Variants in OSBPL6 observed in about 807,000 individuals in gnomAD.
The protein encoded by OSBPL6 is oxysterol-binding protein-related protein 6.
OSBPL6 carries 49 observed loss-of-function variants against 125.8 expected under a neutral mutation model. The ratio of observed to expected loss-of-function variants is 0.39; its 90% CI spans 0.31 to 0.49. The LOEUF is 0.49. OSBPL6 is among the 20% of genes least tolerant of loss of function. The pLI, the probability that OSBPL6 is intolerant of heterozygous loss-of-function variation, is 0.88. For synonymous variants in OSBPL6, 394 were observed against 391.8 expected (o/e 1.01, Z -0.07); for missense variants, 986 against 1,135.4 (o/e 0.87, Z 1.89).
intron 2 of OSBPL6, among the ~76,000 whole-genome samples, chr2:178,300,908 T>C (rs6716156): frequency 0.34 from 51,096 of 151,986 alleles, 10,031 homozygotes; most frequent in East Asian, 0.5. Flanking sequence ...TGAAAGTCAG[T>C]ATGCTGCAAA....
At chr2:178,323,610 C>T (rs985860313) in intron 3 of OSBPL6, 2 of 152,184 alleles carry the variant, frequency 1.3e-5, no homozygotes, top group African/African-American at 4.8e-5. Flanking sequence ...TTGCAGGCTT[C>T]CATCACCATG....
At chr2:178,224,682 C>T (rs1300662446) in intron 1 of OSBPL6, among the ~76,000 whole-genome samples, 1 of 152,192 alleles carries the variant, frequency 6.6e-6, no homozygotes, top group Non-Finnish European at 1.5e-5. Flanking sequence ...ACCCTGTAAT[C>T]CCAGCACTTT....
intron 13 of OSBPL6, among the ~76,000 whole-genome samples, chr2:178,365,190 TAAA>T (rs1692715307): frequency 1.3e-5 from 2 of 152,064 alleles, no homozygotes; most frequent in South Asian, 4.2e-4. Context: ...AATAAATAAA[TAAA>T]AAACTTATTT....
At chr2:178,316,134 G>C (rs942429689) in intron 3 of OSBPL6, among the ~76,000 whole-genome samples, 1 of 152,122 alleles carries the variant, frequency 6.6e-6, no homozygotes, top group Non-Finnish European at 1.5e-5. Flanking sequence ...ATTAAGAGCT[G>C]ATTTCTCAAA....
At chr2:178,394,658 A>G (rs1368922904) in intron 24 of OSBPL6, among the ~76,000 whole-genome samples, 1 of 152,198 alleles carries the variant, frequency 6.6e-6, no homozygotes. Flanking sequence ...GAAAAGAGTG[A>G]GCATCCTGCC....
intron 1 of OSBPL6, among the ~76,000 whole-genome samples, chr2:178,212,647 A>G (rs1362282166): frequency 6.6e-6 from 1 of 152,218 alleles, no homozygotes; most frequent in Non-Finnish European, 1.5e-5. Flanking sequence ...TTAGCTGGAA[A>G]TTACTTGTGT....
intron 13 of OSBPL6, among the ~76,000 whole-genome samples, chr2:178,366,332 C>T (rs1692825397): frequency 6.6e-6 from 1 of 152,154 alleles, no homozygotes; most frequent in South Asian, 2.1e-4. Context: ...TACATTTTAT[C>T]ACTGTTATTA....
intron 2 of OSBPL6, among the ~76,000 whole-genome samples, chr2:178,292,659 C>A (rs2154047193): frequency 6.6e-6 from 1 of 152,258 alleles, no homozygotes; most frequent in South Asian, 2.1e-4. Flanking sequence ...ATTCATCCAG[C>A]AAAGTCTATT....
intron 13 of OSBPL6, among the ~76,000 whole-genome samples, chr2:178,369,303 C>G (rs1693155305): frequency 6.6e-6 from 1 of 152,128 alleles, no homozygotes; most frequent in Non-Finnish European, 1.5e-5. Flanking sequence ...ATGCTCTTAT[C>G]AGAGAGCCAA....
chr2:178,317,382 A>C (rs4894009), intron 3 of OSBPL6, among the ~76,000 whole-genome samples: 24,193 of 144,828 alleles, frequency 0.17, 2,237 homozygotes, highest in Admixed American at 0.23. Flanking sequence ...TTTCCTGCTT[A>C]CATTTGATCT....
intron 1 of OSBPL6, among the ~76,000 whole-genome samples, chr2:178,217,624 T>C (rs1186469889): frequency 6.6e-6 from 1 of 151,946 alleles, no homozygotes; most frequent in Non-Finnish European, 1.5e-5. Flanking sequence ...TTTGAGGAGG[T>C]GGTGTCTGGT....
intron 3 of OSBPL6, among the ~76,000 whole-genome samples, chr2:178,323,262 A>G (rs1167585416): frequency 6.6e-6 from 1 of 152,226 alleles, no homozygotes; most frequent in Non-Finnish European, 1.5e-5. Flanking sequence ...CTTCTAAGTT[A>G]GAACATCTTT....
rs937975928 is a variant in OSBPL6 at position 178,386,170 on chromosome 2, C to T, written c.2077+649C>T. 5.3e-5 allele frequency among the ~76,000 whole-genome samples: 8 copies of T among 152,270 alleles called. No individual in the cohort carries two copies. The East Asian group carries it at 1.3e-3, about 26-fold the overall frequency. On this transcript the variant is annotated intron_variant, in intron 19 of 24. Coordinates refer to ENST00000190611, the MANE Select transcript of OSBPL6 (RefSeq NM_032523.4). ...TGACTTCTCATGAGCATTTTCTTAA[C>T]CTGAAAATACATAAAAATGATAGAA...
chr2:178,221,938 G>A (rs1039814778), intron 1 of OSBPL6, among the ~76,000 whole-genome samples: 2 of 152,166 alleles, frequency 1.3e-5, no homozygotes, highest in Non-Finnish European at 2.9e-5. Flanking sequence ...ACCAAGGAGT[G>A]CTGTGTTTGA....
At chr2:178,363,168 A>G (rs763625502) in intron 13 of OSBPL6, among the ~76,000 whole-genome samples, 1 of 152,212 alleles carries the variant, frequency 6.6e-6, no homozygotes, top group Non-Finnish European at 1.5e-5. Context: ...GTCAAGCTTT[A>G]CTAAGAAAAA....
chr2:178,379,622 G>A (rs1379749445), intron 15 of OSBPL6, among the ~76,000 whole-genome samples: 1 of 152,166 alleles, frequency 6.6e-6, no homozygotes, highest in Admixed American at 6.5e-5. Flanking sequence ...GTAGACATTT[G>A]TCTCCTCAAA....
intron 12 of OSBPL6, among the ~76,000 whole-genome samples, chr2:178,351,055 C>A (rs1016954229): frequency 1.3e-5 from 2 of 151,810 alleles, no homozygotes; most frequent in Admixed American, 6.6e-5. Flanking sequence ...ATAAAAAAAA[C>A]ACTCTTAATG....
At chr2:178,368,724 A>C (rs558377865) in intron 13 of OSBPL6, among the ~76,000 whole-genome samples, 1 of 152,256 alleles carries the variant, frequency 6.6e-6, no homozygotes, top group African/African-American at 2.4e-5. Context: ...GTTTGAAAAA[A>C]ATTTACATTA....
At chr2:178,376,578 A>G (rs1693895183) in intron 15 of OSBPL6, among the ~76,000 whole-genome samples, 1 of 152,048 alleles carries the variant, frequency 6.6e-6, no homozygotes, top group African/African-American at 2.4e-5. Context: ...AACCTGAGTA[A>G]TCTTCCTAAA....
Sources: allele counts gnomAD v4.1 joint callset (sites outside exome capture counted in the v4.1 genomes callset), GRCh38; gene constraint gnomAD v4.1.1; transcripts MANE v1.5; gene names NCBI Gene and HGNC (gene_info 2026-07-23, HGNC 2026-07-21).